GRIN2A: variants seen among roughly 807,000 people sequenced by gnomAD.
The protein encoded by GRIN2A is glutamate receptor ionotropic, NMDA 2A.
Under a neutral mutation model 113.4 loss-of-function variants are expected in GRIN2A, and 22 were observed. The observed-to-expected ratio is 0.19, with a 90% CI of 0.14 to 0.28. The LOEUF is 0.28. Among genes scored for constraint, GRIN2A ranks in the 10% least tolerant of loss-of-function variants. The pLI is 1.00. For missense variants in GRIN2A, 1,502 were observed against 1,887.0 expected, an observed-to-expected ratio of 0.80 and a Z score of 3.78; for synonymous variants, 827 against 738.4, an observed-to-expected ratio of 1.12 and a Z score of -1.94.
intron 2 of GRIN2A, among the ~76,000 whole-genome samples, chr16:10,106,291 G>A (rs1323615697): frequency 6.6e-6 from 1 of 150,598 alleles, no homozygotes; most frequent in African/African-American, 2.4e-5. Flanking sequence ...GTCTGGCACA[G>A]TGGCTCACTT....
At chr16:9,908,093 C>T (rs922142460) in intron 3 of GRIN2A, among the ~76,000 whole-genome samples, 1 of 152,212 alleles carries the variant, frequency 6.6e-6, no homozygotes, top group African/African-American at 2.4e-5. Flanking sequence ...TCACTGTATT[C>T]TGGCCTAAAT....
chr16:9,776,925 A>G (rs1015907468), intron 11 of GRIN2A, among the ~76,000 whole-genome samples: 2 of 152,194 alleles, frequency 1.3e-5, no homozygotes, highest in African/African-American at 4.8e-5. Context: ...TGGTCCTGCA[A>G]TTGAGGATGG....
chr16:10,047,645 G>A (rs1354110308), intron 2 of GRIN2A, among the ~76,000 whole-genome samples: 1 of 152,156 alleles, frequency 6.6e-6, no homozygotes, highest in Non-Finnish European at 1.5e-5. Context: ...CCAATAGCCA[G>A]CACCTTCATC....
In GRIN2A at chr16:9,949,513, G is replaced by A. The variant is rs576407623; in HGVS notation, c.415-10962C>T. ...TGGATAGGGTAGATGGATGGATGAC[G>A]GAAGAGAAAAATGAACAGATGGATG... On this transcript the variant is annotated intron_variant, in intron 2 of 12. Transcript: ENST00000330684. Among the ~76,000 whole-genome samples the A allele has an allele frequency of 1.5e-4, 23 of 151,612 alleles. 1 individual carries two copies. In the South Asian group the frequency reaches 1.7e-3, roughly 11 times the overall value.
intron 2 of GRIN2A, among the ~76,000 whole-genome samples, chr16:10,036,630 T>C (rs1244616399): frequency 1.3e-5 from 2 of 151,418 alleles, no homozygotes; most frequent in Non-Finnish European, 2.9e-5. Context: ...GTATTTTTAG[T>C]AGAGATGGCG....
chr16:9,798,288 A>C lies in GRIN2A; in HGVS notation c.2345T>G (p.Phe782Cys). ...ACCCGGGGTCTTACCATCACCCACA[A>C]ACTGAAGCAAGGCCAGGTCGATCTG... ...KRQIDLALLQ[F>C]VGDGEMEELE... Residue 782 changes from phenylalanine to cysteine, a missense_variant, in exon 11 of 13, where the codon TTT becomes TGT. Physicochemically the swap from Phe to Cys is radical, Grantham distance 205. Transcript: ENST00000330684. 6.2e-7 allele frequency: 1 copy of C among 1,613,916 alleles called. No individual in the cohort carries two copies. Among genetic ancestry groups the C allele is most frequent in the African/African-American group, 1.3e-5 (1 of 75,034 alleles).
chr16:9,938,496 A>G lies in GRIN2A; in HGVS notation c.470T>C (p.Val157Ala). ...FGASIQQQAT[V>A]MLKIMQDYDW... ...ATAATCCTGCATGATCTTCAGCATG[A>G]CCGTGGCTTGCTGCTGGATGGACGC... The change falls in exon 3 of 13, where the codon GTC (valine) becomes GCC (alanine). Residue 157 changes from valine (V) to alanine (A), a missense_variant. Physicochemically the swap from Val to Ala is moderately conservative, Grantham distance 64. Transcript: ENST00000330684. The G allele has an allele frequency of 6.2e-7, 1 of 1,612,002 alleles. No individual in the cohort carries two copies. Among genetic ancestry groups the G allele is most frequent in the Non-Finnish European group, 8.5e-7 (1 of 1,179,956 alleles).
intron 3 of GRIN2A, among the ~76,000 whole-genome samples, chr16:9,897,797 T>C (rs2043835991): frequency 6.6e-6 from 1 of 152,220 alleles, no homozygotes; most frequent in Non-Finnish European, 1.5e-5. Flanking sequence ...TTTGTGCTTT[T>C]GCTTTTGTTT....
Position 9,873,022 on chromosome 16 carries a change from G to A in GRIN2A, c.1122+17964C>T, listed in dbSNP as rs555745803. 2.0e-5 allele frequency among the ~76,000 whole-genome samples: 3 copies of A among 152,218 alleles called. No homozygotes were observed. The South Asian group carries it at 6.2e-4, about 32-fold the overall frequency. On this transcript the variant is annotated intron_variant, in intron 4 of 12. Transcript: ENST00000330684. Reference sequence around the variant, plus strand: ...ATTGCACCACTATTCTCCAGCCTGGGCAACAAAGCAAGACCCTGTGTCAGG... The same window carrying A: ...ATTGCACCACTATTCTCCAGCCTGGACAACAAAGCAAGACCCTGTGTCAGG...
chr16:9,831,997 C>A (rs937846677), intron 8 of GRIN2A, among the ~76,000 whole-genome samples: 1 of 152,124 alleles, frequency 6.6e-6, no homozygotes. Flanking sequence ...TAGCTCACTG[C>A]AACCTAAACC....
intron 2 of GRIN2A, among the ~76,000 whole-genome samples, chr16:10,127,209 C>A: frequency 6.7e-6 from 1 of 149,408 alleles, no homozygotes. Context: ...TCCAGCCTGG[C>A]AACAGAGATT....
At chr16:10,026,589 T>TAAG (rs1414535085) in intron 2 of GRIN2A, among the ~76,000 whole-genome samples, 6,964 of 152,036 alleles carry the variant, frequency 0.046, 276 homozygotes, top group African/African-American at 0.1. Context: ...ACTCTCCCTT[T>TAAG]CTGTCAACTG....
intron 2 of GRIN2A, among the ~76,000 whole-genome samples, chr16:9,995,447 T>C (rs1015820940): frequency 5.3e-5 from 8 of 152,350 alleles, no homozygotes; most frequent in African/African-American, 1.9e-4. Flanking sequence ...AGGTTGTTGC[T>C]GTTGTTGTCG....
chr16:9,766,779 C>A (rs1052562887), intron 12 of GRIN2A, among the ~76,000 whole-genome samples: 3 of 152,152 alleles, frequency 2.0e-5, no homozygotes, highest in African/African-American at 7.2e-5. Flanking sequence ...AATAAAAGCA[C>A]ATTGCTCCCA....
intron 12 of GRIN2A, among the ~76,000 whole-genome samples, chr16:9,765,390 G>C (rs1467114816): frequency 2.6e-5 from 4 of 152,260 alleles, no homozygotes; most frequent in Middle Eastern, 6.8e-3. Flanking sequence ...CAGCATGAAA[G>C]GATCATCCAT....
At chr16:9,879,887 G>A (rs1294655653) in intron 4 of GRIN2A, among the ~76,000 whole-genome samples, 1 of 152,182 alleles carries the variant, frequency 6.6e-6, no homozygotes, top group Non-Finnish European at 1.5e-5. Context: ...CTCTTCAATA[G>A]TGCCCTGAAG....
At chr16:10,094,583 G>A (rs941537184) in intron 2 of GRIN2A, among the ~76,000 whole-genome samples, 61 of 152,132 alleles carry the variant, frequency 4.0e-4, no homozygotes, top group African/African-American at 1.3e-3. Flanking sequence ...CTGAGTAGCT[G>A]GGAGTACAGG....
In GRIN2A at chr16:9,763,822, C is replaced by G. The variant is rs886042648; in HGVS notation, c.3722G>C (p.Arg1241Pro). Residue 1241 changes from arginine (R) to proline (P), a missense_variant, in exon 13 of 13, where the codon CGG (arginine) becomes CCG (proline). Arg to Pro is a moderately radical substitution (Grantham distance 103). Coordinates refer to ENST00000330684, the MANE Select transcript of GRIN2A (RefSeq NM_001134407.3). ...RSPFKCDACL[R>P]MGNLYDIDED... The stretch of plus-strand genomic sequence containing the variant: ...ATCGATGTCATAGAGGTTCCCCATC[C>G]GCAGGCAGGCATCGCACTTGAAGGG... 1 of 1,614,094 alleles carries G rather than the reference C, an allele frequency of 6.2e-7. No individual in the cohort carries two copies. Among genetic ancestry groups the G allele is most frequent in the Non-Finnish European group, 8.5e-7 (1 of 1,180,006 alleles).
At chr16:9,891,412 T>G (rs1000911050) in intron 3 of GRIN2A, among the ~76,000 whole-genome samples, 11 of 152,238 alleles carry the variant, frequency 7.2e-5, no homozygotes, top group African/African-American at 2.2e-4. Context: ...CAAACTTCCC[T>G]GAAGGAAGCT....
Sources: gnomAD v4.1 joint callset for allele counts (sites outside exome capture counted in the v4.1 genomes callset) on GRCh38, gnomAD v4.1.1 for gene constraint, MANE v1.5 for transcripts, NCBI Gene and HGNC (gene_info 2026-07-23, HGNC 2026-07-21) for gene names.